DTD1: variants seen among roughly 807,000 people sequenced by gnomAD.
DTD1 encodes D-aminoacyl-tRNA deacylase 1.
Under a neutral mutation model 25.6 loss-of-function variants are expected in DTD1, and 13 were observed. The ratio of observed to expected loss-of-function variants is 0.51; its 90% CI spans 0.33 to 0.81. The LOEUF (loss-of-function observed/expected upper bound fraction) is 0.81, where lower values mean the gene tolerates loss of function less well. Among genes scored for constraint, DTD1 ranks in the 30% least tolerant of loss-of-function variants. The pLI is 0.02. For missense variants in DTD1, 193 were observed against 266.4 expected, an observed-to-expected ratio of 0.72 and a Z score of 1.92; for synonymous variants, 110 against 103.6, an observed-to-expected ratio of 1.06 and a Z score of -0.37.
intron 4 of DTD1, among the ~76,000 whole-genome samples, chr20:18,729,371 A>G (rs1023362922): frequency 2.6e-5 from 4 of 152,210 alleles, no homozygotes; most frequent in Admixed American, 1.3e-4. Context: ...CACACGTTCA[A>G]TTTCTGGTTC....
chr20:18,642,209 A>C (rs1383851790), intron 4 of DTD1, among the ~76,000 whole-genome samples: 2 of 152,182 alleles, frequency 1.3e-5, no homozygotes, highest in African/African-American at 2.4e-5. Flanking sequence ...TAGAAGCCCC[A>C]AAACAGCTGT....
intron 4 of DTD1, among the ~76,000 whole-genome samples, chr20:18,700,742 A>G (rs188020936): frequency 6.4e-4 from 97 of 152,188 alleles, no homozygotes; most frequent in Middle Eastern, 3.4e-3. Context: ...GTGGACTGAG[A>G]TTCGATTGGA....
At chr20:18,644,415 C>G (rs970773287) in intron 4 of DTD1, among the ~76,000 whole-genome samples, 1 of 152,118 alleles carries the variant, frequency 6.6e-6, no homozygotes, top group African/African-American at 2.4e-5. Context: ...ATAAAGTTGC[C>G]TCAAAACTAT....
rs1477754927 is a variant in DTD1, at chr20:18,764,696, T to G, written c.*1356T>G. ...CTTTGTTCTAAACCAATTCAGATGG[T>G]CCAGTGTAATTCACAATGGTTTAAA... On this transcript the variant is annotated 3_prime_UTR_variant, in exon 6 of 6. Coordinates refer to ENST00000377452, the MANE Select transcript of DTD1 (RefSeq NM_080820.6). 6.6e-6 allele frequency: 1 copy of G among 152,220 alleles called. No homozygotes were observed. Among genetic ancestry groups the G allele is most frequent in the Non-Finnish European group, 1.5e-5 (1 of 68,040 alleles). 9.4% of individuals were successfully genotyped at this position (152,220 alleles called of 1,614,324 possible).
intron 1 of DTD1, among the ~76,000 whole-genome samples, chr20:18,593,207 A>G (rs1156958137): frequency 6.6e-6 from 1 of 152,202 alleles, no homozygotes; most frequent in Non-Finnish European, 1.5e-5. Context: ...AGCTTAATAC[A>G]TAAATTGTGA....
At chr20:18,665,256 A>C (rs967606459) in intron 4 of DTD1, among the ~76,000 whole-genome samples, 2 of 152,148 alleles carry the variant, frequency 1.3e-5, no homozygotes, top group African/African-American at 4.8e-5. Flanking sequence ...AGTTGTGCCC[A>C]GTGTCTGCTT....
intron 4 of DTD1, among the ~76,000 whole-genome samples, chr20:18,719,623 G>A (rs1426246496): frequency 6.6e-6 from 1 of 152,212 alleles, no homozygotes; most frequent in Non-Finnish European, 1.5e-5. Context: ...AAGAGTTCCT[G>A]GAGACTGCGA....
chr20:18,638,459 C>A (rs1404322360), intron 4 of DTD1, among the ~76,000 whole-genome samples: 1 of 152,018 alleles, frequency 6.6e-6, no homozygotes, highest in African/African-American at 2.4e-5. Flanking sequence ...GCTAGAAGTC[C>A]CCTTAGGTGC....
intron 4 of DTD1, among the ~76,000 whole-genome samples, chr20:18,718,217 T>A (rs1031053120): frequency 6.6e-6 from 1 of 152,246 alleles, no homozygotes; most frequent in Admixed American, 6.5e-5. Flanking sequence ...TTATTTTGGA[T>A]AAAAAGCTGG....
intron 4 of DTD1, among the ~76,000 whole-genome samples, chr20:18,654,271 A>G (rs1199404600): frequency 7.9e-5 from 12 of 152,172 alleles, no homozygotes; most frequent in Admixed American, 7.9e-4. Flanking sequence ...ATGGTTTTAT[A>G]AAGGGCAGTT....
chr20:18,728,599 TG>T (rs1278521205), intron 4 of DTD1, among the ~76,000 whole-genome samples: 1 of 152,148 alleles, frequency 6.6e-6, no homozygotes, highest in Non-Finnish European at 1.5e-5. Flanking sequence ...TTTCGGTGTC[TG>T]GATGTGGGAA....
rs758325233 is a variant in DTD1 at position 18,722,931 on chromosome 20, C to A, written c.478-21169C>A. ...CTAAAACACACAGAAAAGTCAGCAC[C>A]ATAAGAGAGGGAAAAAAGACAAAAA... On this transcript the variant is annotated intron_variant, in intron 4 of 5. Transcript: ENST00000377452. Among the ~76,000 whole-genome samples the A allele has an allele frequency of 3.3e-5, 5 of 151,976 alleles. No individual in the cohort carries two copies. In the East Asian group the frequency reaches 9.6e-4, roughly 29 times the overall value.
intron 3 of DTD1, among the ~76,000 whole-genome samples, chr20:18,616,838 G>T (rs566293640): frequency 6.6e-6 from 1 of 152,224 alleles, no homozygotes; most frequent in South Asian, 2.1e-4. Context: ...CAGTGTCAGT[G>T]GTATGGTGGG....
At chr20:18,670,026 G>A (rs148982243) in intron 4 of DTD1, among the ~76,000 whole-genome samples, 202 of 152,260 alleles carry the variant, frequency 1.3e-3, no homozygotes, top group Non-Finnish European at 2.3e-3. Context: ...CACCTGCATG[G>A]CTGCAAATTA....
intron 5 of DTD1, among the ~76,000 whole-genome samples, chr20:18,755,931 T>C (rs1306562970): frequency 6.6e-6 from 1 of 152,234 alleles, no homozygotes; most frequent in Non-Finnish European, 1.5e-5. Context: ...CTCCAGCCCC[T>C]GTCGTTTCCT....
rs140305847 is a variant in DTD1, at chr20:18,693,015, C to T, written c.478-51085C>T. Among the ~76,000 whole-genome samples the T allele has an allele frequency of 3.6e-3, 548 of 151,770 alleles. 3 individuals are homozygous for T. The highest frequency in any genetic ancestry group is 0.012 in the African/African-American group (498 of 41,384). ...AAGCGATTCTCCTGCCTCAGCCTCC[C>T]GAGTAGCTGGGATTACAGGCGCGTG... On this transcript the variant is annotated intron_variant, in intron 4 of 5. Coordinates refer to ENST00000377452, the MANE Select transcript of DTD1 (RefSeq NM_080820.6).
chr20:18,615,147 T>G (rs2060704193), intron 3 of DTD1, among the ~76,000 whole-genome samples: 1 of 151,926 alleles, frequency 6.6e-6, no homozygotes, highest in Non-Finnish European at 1.5e-5. Context: ...CATATAATGT[T>G]GGTCAAAGCA....
At chr20:18,729,179 T>C (rs1478031200) in intron 4 of DTD1, among the ~76,000 whole-genome samples, 3 of 152,152 alleles carry the variant, frequency 2.0e-5, no homozygotes, top group South Asian at 2.1e-4. Flanking sequence ...AGTTTTTGTA[T>C]TTTTTGTGGA....
intron 4 of DTD1, among the ~76,000 whole-genome samples, chr20:18,659,110 G>A (rs2060900000): frequency 6.6e-6 from 1 of 152,208 alleles, no homozygotes; most frequent in South Asian, 2.1e-4. Context: ...AATGTGCATG[G>A]CTGCTTTCTT....
Sources: gnomAD v4.1 joint callset for allele counts (sites outside exome capture counted in the v4.1 genomes callset) on GRCh38, gnomAD v4.1.1 for gene constraint, MANE v1.5 for transcripts, NCBI Gene and HGNC (gene_info 2026-07-23, HGNC 2026-07-21) for gene names.